Variants in IRF2 observed in about 807,000 individuals in gnomAD.
IRF2 encodes the protein interferon regulatory factor 2.
A neutral mutation model predicts 40.6 loss-of-function variants in IRF2; 15 were observed. The observed-to-expected ratio is 0.37, with a 90% CI of 0.25 to 0.57. The LOEUF is 0.57. Ranked by LOEUF, IRF2 falls within the 20% of genes least tolerant of loss-of-function variation. The pLI, the probability that IRF2 is intolerant of heterozygous loss-of-function variation, is 0.77. For missense variants in IRF2, 317 were observed against 455.7 expected (o/e 0.70, Z 2.77); for synonymous variants, 151 against 165.5 (o/e 0.91, Z 0.67).
At chr4:184,436,817 G>C (rs551525665) in intron 1 of IRF2, among the ~76,000 whole-genome samples, 1 of 152,188 alleles carries the variant, frequency 6.6e-6, no homozygotes. Flanking sequence ...CAAGCACTGG[G>C]TATTTCACAT....
Position 184,435,311 on chromosome 4 carries a change from G to A in IRF2, c.-6-6241C>T, listed in dbSNP as rs564306306. 8.5e-5 allele frequency among the ~76,000 whole-genome samples: 13 copies of A among 152,198 alleles called. No homozygotes were observed. In the South Asian group the frequency reaches 1.9e-3, roughly 22 times the overall value. ...ACTGAGACTTTCCAAACTCCTCTCC[G>A]TCTTGCAAACCACTGACAGTCATCT... On this transcript the variant is annotated intron_variant, in intron 1 of 8. Transcript: ENST00000393593.
chr4:184,410,328 T>A (rs1483494514), intron 5 of IRF2, among the ~76,000 whole-genome samples: 1 of 152,204 alleles, frequency 6.6e-6, no homozygotes, highest in Non-Finnish European at 1.5e-5. Context: ...CACTTACTAG[T>A]AAATAAGCAC....
At chr4:184,412,558 C>A (rs114015288) in intron 5 of IRF2, among the ~76,000 whole-genome samples, 291 of 152,360 alleles carry the variant, frequency 1.9e-3, no homozygotes, top group Non-Finnish European at 3.5e-3. Context: ...TCTCTGCTAA[C>A]AGAACGTGTA....
chr4:184,469,796 A>G lies in IRF2; in HGVS notation c.-7+4583T>C, dbSNP rs79776673. 4.2e-3 allele frequency among the ~76,000 whole-genome samples: 642 copies of G among 152,308 alleles called. 9 individuals are homozygous for G. Among genetic ancestry groups the G allele is most frequent in the African/African-American group, 0.015 (628 of 41,550 alleles). On this transcript the variant is annotated intron_variant, in intron 1 of 8. Coordinates refer to ENST00000393593, the MANE Select transcript of IRF2 (RefSeq NM_002199.4). ...ATTTTTAGGGGATCTTTGAAGGTCA[A>G]TGCCAAGACTTCAGGCCTGCTGCTT...
intron 1 of IRF2, among the ~76,000 whole-genome samples, chr4:184,430,009 C>A (rs1304339427): frequency 6.6e-6 from 1 of 152,166 alleles, no homozygotes; most frequent in Non-Finnish European, 1.5e-5. Context: ...CAGGTGCAAG[C>A]CTCCATTCTA....
At chr4:184,446,832 G>C (rs933311825) in intron 1 of IRF2, among the ~76,000 whole-genome samples, 8 of 152,062 alleles carry the variant, frequency 5.3e-5, no homozygotes, top group Non-Finnish European at 1.2e-4. Context: ...ACGGGCACCT[G>C]TAGTCCCAGC....
chr4:184,465,087 T>C (rs1739275074), intron 1 of IRF2, among the ~76,000 whole-genome samples: 1 of 152,236 alleles, frequency 6.6e-6, no homozygotes, highest in South Asian at 2.1e-4. Flanking sequence ...GCAGTATTCA[T>C]ATGTATAAAG....
At chr4:184,393,084 T>C (rs1488966327) in intron 7 of IRF2, among the ~76,000 whole-genome samples, 1 of 152,006 alleles carries the variant, frequency 6.6e-6, no homozygotes, top group Non-Finnish European at 1.5e-5. Context: ...TCGTGCTGGC[T>C]CAGTATCCTG....
rs987207131 is a variant in IRF2 at position 184,411,582 on chromosome 4, CCAGCACCTCCCGA to C, written c.412-3320_412-3308del. On this transcript the variant is annotated intron_variant, in intron 5 of 8. Coordinates refer to ENST00000393593, the MANE Select transcript of IRF2 (RefSeq NM_002199.4). ...CAGTCAATGGCACAGTAAAACGGAG[CCAGCACCTCCCGA>C]AACACCTCCATCCAGGGTGCAGAAC... 2.5e-3 allele frequency among the ~76,000 whole-genome samples: 307 copies of C among 122,108 alleles called. 1 individual carries two copies. Among genetic ancestry groups the C allele is most frequent in the Non-Finnish European group, 8.8e-4 (44 of 49,970 alleles). The allele number at this position is 122,108 out of a possible 152,430, so 80.1% of individuals were successfully genotyped here.
intron 2 of IRF2, among the ~76,000 whole-genome samples, chr4:184,421,550 G>A (rs544699334): frequency 4.6e-5 from 7 of 152,230 alleles, no homozygotes; most frequent in African/African-American, 1.4e-4. Context: ...TTCCTGAAGT[G>A]CATGCCCAGA....
At chr4:184,400,728 G>A (rs1433715767) in intron 6 of IRF2, among the ~76,000 whole-genome samples, 3 of 152,156 alleles carry the variant, frequency 2.0e-5, no homozygotes, top group African/African-American at 7.2e-5. Context: ...AGCATTTCGT[G>A]TCATCACTGT....
Position 184,408,260 on chromosome 4 carries a change from A to G in IRF2, c.427T>C (p.Ser143Pro), listed in dbSNP as rs1441464747. 6.2e-7 allele frequency: 1 copy of G among 1,608,118 alleles called. No homozygotes were observed. Among genetic ancestry groups the G allele is most frequent in the South Asian group, 1.1e-5 (1 of 90,934 alleles). Reference protein sequence around the residue: ...VKHIKQEPVESSLGLSNGVSD... With the variant: ...VKHIKQEPVEPSLGLSNGVSD... The stretch of plus-strand genomic sequence containing the variant: ...ACTCCATTACTAAGCCCCAGAGATG[A>G]CTCAACTGGTTCTTGCTAGGAAGAA... Residue 143 changes from serine to proline, a missense_variant, in exon 6 of 9, where the codon TCA becomes CCA. Physicochemically the swap from Ser to Pro is moderately conservative, Grantham distance 74. Transcript: ENST00000393593. The surrounding 1 kb of genome is among the most constrained non-coding windows in gnomAD (Gnocchi z 4.9).
At chr4:184,434,866 C>G (rs575811202) in intron 1 of IRF2, among the ~76,000 whole-genome samples, 12 of 152,146 alleles carry the variant, frequency 7.9e-5, no homozygotes, top group Non-Finnish European at 1.3e-4. Context: ...TTACAGAGCA[C>G]CTACTATGTG....
At chr4:184,391,893 C>G (rs1458478173) in intron 7 of IRF2, among the ~76,000 whole-genome samples, 1 of 152,162 alleles carries the variant, frequency 6.6e-6, no homozygotes, top group Non-Finnish European at 1.5e-5. Flanking sequence ...CTGCCACCAT[C>G]TAAGAGGATT....
At chr4:184,462,315 A>G (rs946052648) in intron 1 of IRF2, among the ~76,000 whole-genome samples, 1 of 152,172 alleles carries the variant, frequency 6.6e-6, no homozygotes, top group Non-Finnish European at 1.5e-5. Context: ...TGCTAACATG[A>G]TTCCATGAAG....
intron 1 of IRF2, among the ~76,000 whole-genome samples, chr4:184,440,228 C>T (rs1030298120): frequency 6.6e-6 from 1 of 152,216 alleles, no homozygotes; most frequent in Non-Finnish European, 1.5e-5. Context: ...ATCCCCATTA[C>T]CCACGGCCTC....
intron 1 of IRF2, among the ~76,000 whole-genome samples, chr4:184,456,185 T>G (rs1262723690): frequency 6.6e-6 from 1 of 152,200 alleles, no homozygotes. Context: ...CATTAGTTCA[T>G]TCGCCTCACA....
At chr4:184,415,829 C>T (rs192337414) in intron 5 of IRF2, among the ~76,000 whole-genome samples, 2 of 152,288 alleles carry the variant, frequency 1.3e-5, no homozygotes, top group African/African-American at 4.8e-5. Context: ...TCTATTTAGT[C>T]AACAAATGCG....
At chr4:184,393,495 A>G (rs1348129611) in intron 7 of IRF2, among the ~76,000 whole-genome samples, 1 of 152,236 alleles carries the variant, frequency 6.6e-6, no homozygotes, top group East Asian at 1.9e-4. Context: ...TCGCAGGTGC[A>G]GGAGGGGCTG....
Sources: allele counts gnomAD v4.1 joint callset (sites outside exome capture counted in the v4.1 genomes callset), GRCh38; gene constraint gnomAD v4.1.1; non-coding constraint Gnocchi (gnomAD v3.1); transcripts MANE v1.5; gene names NCBI Gene and HGNC (gene_info 2026-07-23, HGNC 2026-07-21).